CSMD1: variants seen among roughly 807,000 people sequenced by gnomAD.
CSMD1 encodes the protein CUB and sushi domain-containing protein 1.
A neutral mutation model predicts 417.5 loss-of-function variants in CSMD1; 213 were observed. The observed-to-expected ratio is 0.51, with a 90% CI of 0.46 to 0.57. The LOEUF is 0.57. Among genes scored for constraint, CSMD1 ranks in the 20% least tolerant of loss-of-function variants. The pLI is 0.00. For synonymous variants in CSMD1, 2,862 were observed against 1,736.8 expected, an observed-to-expected ratio of 1.65 and a Z score of -16.11; for missense variants, 6,923 against 4,529.7, an observed-to-expected ratio of 1.53 and a Z score of -15.17.
chr8:3,852,596 A>C (rs1471747247), intron 5 of CSMD1, among the ~76,000 whole-genome samples: 1 of 152,124 alleles, frequency 6.6e-6, no homozygotes, highest in Non-Finnish European at 1.5e-5. Context: ...CGTGTCAGCT[A>C]TCTCAGCATT....
At chr8:4,331,004 G>A (rs539993779) in intron 3 of CSMD1, among the ~76,000 whole-genome samples, 10 of 152,216 alleles carry the variant, frequency 6.6e-5, no homozygotes, top group African/African-American at 1.7e-4. Flanking sequence ...TTACTGTGCC[G>A]TAAGTTCTTA....
intron 3 of CSMD1, among the ~76,000 whole-genome samples, chr8:4,067,935 G>T (rs935726257): frequency 6.6e-6 from 1 of 152,046 alleles, no homozygotes; most frequent in South Asian, 2.1e-4. Context: ...AAATTAACTG[G>T]GCATGGTGGT....
At chr8:4,324,207 G>A (rs1333363059) in intron 3 of CSMD1, among the ~76,000 whole-genome samples, 8 of 152,346 alleles carry the variant, frequency 5.3e-5, no homozygotes, top group East Asian at 1.9e-4. Flanking sequence ...CTGTGTCATC[G>A]GAATGTATGA....
In CSMD1 at chr8:4,041,477, C is replaced by G. The variant is rs73183953; in HGVS notation, c.416-9378G>C. On this transcript the variant is annotated intron_variant, in intron 3 of 69. Transcript: ENST00000635120. ...CAGCCTTAAAAAGTAGTGTAAGGATCAAACTGTTCCACAAATAGTCAACCA... is the reference window on the plus strand; with the variant it reads ...CAGCCTTAAAAAGTAGTGTAAGGATGAAACTGTTCCACAAATAGTCAACCA... 7.7e-3 allele frequency among the ~76,000 whole-genome samples: 1,165 copies of G among 152,274 alleles called. 10 individuals are homozygous for G. The highest frequency in any genetic ancestry group is 0.03 in the South Asian group (145 of 4,826).
At chr8:4,388,409 T>A (rs1803615480) in intron 3 of CSMD1, among the ~76,000 whole-genome samples, 2 of 151,892 alleles carry the variant, frequency 1.3e-5, no homozygotes, top group African/African-American at 2.4e-5. Flanking sequence ...TGCAGAGACC[T>A]GGATGACATT....
At chr8:4,586,173 C>A (rs1442741605) in intron 2 of CSMD1, among the ~76,000 whole-genome samples, 3 of 152,110 alleles carry the variant, frequency 2.0e-5, no homozygotes, top group Admixed American at 6.6e-5. Flanking sequence ...CATGCCAATT[C>A]CACTCTTTTG....
At chr8:4,688,838 C>T (rs891326452) in intron 1 of CSMD1, among the ~76,000 whole-genome samples, 1 of 152,144 alleles carries the variant, frequency 6.6e-6, no homozygotes, top group Non-Finnish European at 1.5e-5. Context: ...TGATGTGATG[C>T]CTGTTGTAGA....
At chr8:4,249,531 C>T (rs2128829594) in intron 3 of CSMD1, among the ~76,000 whole-genome samples, 1 of 152,318 alleles carries the variant, frequency 6.6e-6, no homozygotes, top group East Asian at 1.9e-4. Context: ...CTGACGTGCA[C>T]TGTGACTCTC....
chr8:4,010,868 G>C (rs919494008), intron 4 of CSMD1, among the ~76,000 whole-genome samples: 1 of 152,108 alleles, frequency 6.6e-6, no homozygotes, highest in Non-Finnish European at 1.5e-5. Flanking sequence ...AAAACAGCTG[G>C]AGGAATTCCA....
At chr8:4,171,631 TC>T (rs1797769776) in intron 3 of CSMD1, among the ~76,000 whole-genome samples, 1 of 150,912 alleles carries the variant, frequency 6.6e-6, no homozygotes, top group Admixed American at 6.6e-5. Flanking sequence ...CTAAGCCAAA[TC>T]CCAAACTTGC....
chr8:3,921,308 C>T (rs1317473163), intron 5 of CSMD1, among the ~76,000 whole-genome samples: 2 of 152,010 alleles, frequency 1.3e-5, no homozygotes, highest in African/African-American at 2.4e-5. Context: ...TTCTACTTAG[C>T]ATAAGAGTTT....
intron 2 of CSMD1, among the ~76,000 whole-genome samples, chr8:4,620,415 T>C (rs777276391): frequency 2.0e-5 from 3 of 151,580 alleles, no homozygotes; most frequent in Non-Finnish European, 3.0e-5. Flanking sequence ...TTAAATAATT[T>C]GACCAGAGTC....
intron 26 of CSMD1, among the ~76,000 whole-genome samples, chr8:3,246,175 A>G (rs1799866610): frequency 6.6e-6 from 1 of 151,870 alleles, no homozygotes; most frequent in Non-Finnish European, 1.5e-5. Context: ...CTCTAGCTCC[A>G]CACCTGGATC....
At chr8:3,915,938 G>A (rs1808792208) in intron 5 of CSMD1, among the ~76,000 whole-genome samples, 1 of 150,612 alleles carries the variant, frequency 6.6e-6, no homozygotes, top group Non-Finnish European at 1.5e-5. Context: ...TACATAAACT[G>A]GCTCCAAACT....
At chr8:4,983,912 G>A (rs1057157187) in intron 1 of CSMD1, among the ~76,000 whole-genome samples, 2 of 152,210 alleles carry the variant, frequency 1.3e-5, no homozygotes, top group African/African-American at 2.4e-5. Flanking sequence ...AGTTATGGTC[G>A]ATGAGGTGGA....
Position 2,962,360 on chromosome 8 carries a change from C to G in CSMD1, c.9628+106G>C, listed in dbSNP as rs929972802. ...ATTATTACCTTGTACAGAAAACTGTCTATGGAAACACTTTCTATGTAATCA... is the reference window on the plus strand; with the variant it reads ...ATTATTACCTTGTACAGAAAACTGTGTATGGAAACACTTTCTATGTAATCA... On this transcript the variant is annotated intron_variant, in intron 61 of 69. Coordinates refer to ENST00000635120, the MANE Select transcript of CSMD1 (RefSeq NM_033225.6). 30 of 1,002,954 alleles carry G rather than the reference C, an allele frequency of 3.0e-5. No individual in the cohort carries two copies. In the East Asian group the frequency reaches 4.6e-4, roughly 15 times the overall value. 62.1% of individuals were successfully genotyped at this position (1,002,954 alleles called of 1,614,324 possible). A position where few individuals can be genotyped will look rare whatever the true frequency, so the allele number is the denominator to read the frequency against.
chr8:3,012,856 CCCACCTGTCA>C (rs1400092274), intron 52 of CSMD1, among the ~76,000 whole-genome samples: 3 of 152,042 alleles, frequency 2.0e-5, no homozygotes, highest in Non-Finnish European at 4.4e-5. Flanking sequence ...TGTAATAATC[CCCACCTGTCA>C]AGGATGGAGA....
intron 3 of CSMD1, among the ~76,000 whole-genome samples, chr8:4,037,367 G>T (rs1018987251): frequency 4.6e-5 from 7 of 152,296 alleles, no homozygotes; most frequent in South Asian, 2.1e-4. Flanking sequence ...TGCTGTAACA[G>T]CAATGGCCAT....
intron 1 of CSMD1, among the ~76,000 whole-genome samples, chr8:4,652,439 G>C (rs948546318): frequency 3.3e-5 from 5 of 151,988 alleles, no homozygotes; most frequent in African/African-American, 4.8e-5. Context: ...CATTTAAAGA[G>C]ACAAGCGGGG....
Sources: allele counts gnomAD v4.1 joint callset (sites outside exome capture counted in the v4.1 genomes callset), GRCh38; gene constraint gnomAD v4.1.1; transcripts MANE v1.5; gene names NCBI Gene and HGNC (gene_info 2026-07-23, HGNC 2026-07-21).